Variants in SUGCT observed in about 807,000 individuals in gnomAD.
SUGCT encodes the protein succinyl-CoA:glutarate-CoA transferase.
Under a neutral mutation model 55.0 loss-of-function variants are expected in SUGCT, and 41 were observed. The ratio of observed to expected loss-of-function variants is 0.74; its 90% confidence interval spans 0.58 to 0.97. The LOEUF is 0.97. Ranked by LOEUF, SUGCT falls within the 50% of genes least tolerant of loss-of-function variation. The pLI is 0.00. For missense variants in SUGCT, 568 were observed against 547.8 expected (o/e 1.04, Z -0.37); for synonymous variants, 187 against 200.4 (o/e 0.93, Z 0.56).
At chr7:40,728,447 A>G (rs1786720201) in intron 12 of SUGCT, among the ~76,000 whole-genome samples, 2 of 152,188 alleles carry the variant, frequency 1.3e-5, no homozygotes, top group African/African-American at 2.4e-5. Flanking sequence ...TGAACTGGGA[A>G]GGCGGAGGTT....
At chr7:41,030,215 T>C in the SUGCT span, among the ~76,000 whole-genome samples, 1 of 152,212 alleles carries the variant, frequency 6.6e-6, no homozygotes, top group Admixed American at 6.5e-5. Flanking sequence ...ATGTGCAGGT[T>C]TTTATGTGGA....
intron 9 of SUGCT, among the ~76,000 whole-genome samples, chr7:40,397,986 A>C (rs1266633339): frequency 6.6e-6 from 1 of 152,238 alleles, no homozygotes; most frequent in Admixed American, 6.5e-5. Flanking sequence ...TACCTAACAC[A>C]GGGAAGTTCA....
chr7:40,204,716 A>G (rs974425031), intron 6 of SUGCT, among the ~76,000 whole-genome samples: 2 of 151,262 alleles, frequency 1.3e-5, no homozygotes, highest in African/African-American at 4.9e-5. Flanking sequence ...CGTGAGGGTC[A>G]GTAGTTTGAG....
the SUGCT span, among the ~76,000 whole-genome samples, chr7:40,884,881 T>A: frequency 6.6e-6 from 1 of 152,188 alleles, no homozygotes; most frequent in Admixed American, 6.5e-5. Flanking sequence ...CCAAAGGGAA[T>A]CTTTCATCTG....
At chr7:40,859,153 T>A (rs1281648958) in intron 13 of SUGCT, among the ~76,000 whole-genome samples, 2 of 152,222 alleles carry the variant, frequency 1.3e-5, no homozygotes, top group Non-Finnish European at 2.9e-5. Flanking sequence ...TTTGTTCTCC[T>A]GAAGCCTAAT....
At chr7:40,287,411 G>C (rs1026350690) in intron 8 of SUGCT, among the ~76,000 whole-genome samples, 2 of 152,040 alleles carry the variant, frequency 1.3e-5, no homozygotes, top group Admixed American at 6.5e-5. Flanking sequence ...GCAAGAGCAG[G>C]CATCCTTTTC....
chr7:40,912,771 CAAAA>C, the SUGCT span, among the ~76,000 whole-genome samples: 51 of 111,842 alleles, frequency 4.6e-4, no homozygotes, highest in African/African-American at 7.6e-4. Context: ...TAAACGTTTC[CAAAA>C]AAAAAAAAAA....
At chr7:40,150,386 G>T (rs1437857572) in intron 1 of SUGCT, among the ~76,000 whole-genome samples, 2 of 152,066 alleles carry the variant, frequency 1.3e-5, no homozygotes, top group Non-Finnish European at 2.9e-5. Flanking sequence ...TCTGCTCGCT[G>T]GGCCGGGCAC....
chr7:41,014,763 A>G, the SUGCT span, among the ~76,000 whole-genome samples: 5 of 152,190 alleles, frequency 3.3e-5, no homozygotes, highest in African/African-American at 1.2e-4. Context: ...AATTTACTCC[A>G]CTTCCCAAAT....
At chr7:40,311,978 A>G (rs1795179822) in intron 8 of SUGCT, among the ~76,000 whole-genome samples, 1 of 151,992 alleles carries the variant, frequency 6.6e-6, no homozygotes, top group African/African-American at 2.4e-5. Context: ...TATAAATAAT[A>G]TTGTAGCATG....
At chr7:40,930,967 G>C in the SUGCT span, among the ~76,000 whole-genome samples, 2 of 152,168 alleles carry the variant, frequency 1.3e-5, no homozygotes, top group African/African-American at 4.8e-5. Context: ...TGTTGAATAG[G>C]AGTGGTGAGA....
chr7:40,243,055 C>A (rs1464536827), intron 7 of SUGCT, among the ~76,000 whole-genome samples: 1 of 146,854 alleles, frequency 6.8e-6, no homozygotes, highest in Non-Finnish European at 1.5e-5. Context: ...CCCCACTCAG[C>A]CTCCTGAGTA....
At chr7:40,199,831 C>T (rs1166096461) in intron 6 of SUGCT, among the ~76,000 whole-genome samples, 2 of 149,632 alleles carry the variant, frequency 1.3e-5, no homozygotes, top group African/African-American at 2.5e-5. Flanking sequence ...TGAAAAGTGC[C>T]TTTTTTATTT....
intron 12 of SUGCT, among the ~76,000 whole-genome samples, chr7:40,566,553 A>T (rs1178745371): frequency 6.6e-6 from 1 of 152,230 alleles, no homozygotes; most frequent in African/African-American, 2.4e-5. Context: ...GCTTCCATCA[A>T]CTTCAGTTCT....
At chr7:40,957,461 T>C in the SUGCT span, among the ~76,000 whole-genome samples, 118 of 146,750 alleles carry the variant, frequency 8.0e-4, no homozygotes, top group African/African-American at 2.8e-3. Flanking sequence ...TTTTTTTTTT[T>C]TTTTTTTTTT....
At chr7:40,272,172 A>G (rs1792097708) in intron 7 of SUGCT, among the ~76,000 whole-genome samples, 1 of 95,282 alleles carries the variant, frequency 1.0e-5, no homozygotes, top group Admixed American at 1.1e-4. Context: ...ATATATATAT[A>G]TATATATATA....
chr7:40,605,723 G>A (rs1045116810), intron 12 of SUGCT, among the ~76,000 whole-genome samples: 1 of 152,226 alleles, frequency 6.6e-6, no homozygotes, highest in East Asian at 1.9e-4. Context: ...ACAACACTAT[G>A]AAGGGGTAGG....
At chr7:40,840,187 A>G (rs1793203428) in intron 13 of SUGCT, among the ~76,000 whole-genome samples, 2 of 152,200 alleles carry the variant, frequency 1.3e-5, no homozygotes, top group African/African-American at 4.8e-5. Flanking sequence ...TCGTTATCTA[A>G]ATTTGAGCCA....
intron 9 of SUGCT, among the ~76,000 whole-genome samples, chr7:40,439,574 A>G (rs1332542140): frequency 3.9e-5 from 6 of 152,182 alleles, no homozygotes; most frequent in African/African-American, 1.4e-4. Context: ...ACATGTCAGT[A>G]TTCCAGTTGT....
Sources: allele counts gnomAD v4.1 joint callset (sites outside exome capture counted in the v4.1 genomes callset), GRCh38; gene constraint gnomAD v4.1.1; transcripts MANE v1.5; gene names NCBI Gene and HGNC (gene_info 2026-07-23, HGNC 2026-07-21).